Variants in SH2D2A observed in about 807,000 individuals in gnomAD.
The protein encoded by SH2D2A is SH2 domain-containing protein 2A.
A neutral mutation model predicts 43.6 loss-of-function variants in SH2D2A; 33 were observed. The ratio of observed to expected loss-of-function variants is 0.76; its 90% confidence interval spans 0.57 to 1.01. The LOEUF is 1.01. Ranked by LOEUF, SH2D2A falls within the 50% of genes least tolerant of loss-of-function variation. SH2D2A has a pLI of 0.00. For synonymous variants in SH2D2A, 212 were observed against 206.1 expected, an observed-to-expected ratio of 1.03 and a Z score of -0.25; for missense variants, 491 against 503.1, an observed-to-expected ratio of 0.98 and a Z score of 0.23.
rs759722611 is a variant in SH2D2A at position 156,815,077 on chromosome 1, C to T, written c.268G>A (p.Gly90Arg). Reference protein sequence around the residue: ...KTQAHWLLQHGAAPAWFHGFI... With the variant: ...KTQAHWLLQHRAAPAWFHGFI... ...CCATGGAACCAGGCAGGGGCTGCCC[C>T]GTGCTGCAGGAGCCAGTGGGCCTGG... is the stretch of plus-strand genomic sequence containing the variant. The change falls in exon 3 of 9, where the codon GGG (glycine) becomes AGG (arginine). Residue 90 changes from glycine (G) to arginine (R), a missense_variant. Physicochemically the swap from Gly to Arg is moderately radical, Grantham distance 125 (BLOSUM62 -2). Transcript: ENST00000368199. 33 of 1,601,672 alleles carry T rather than the reference C, an allele frequency of 2.1e-5. No individual in the cohort carries two copies. The highest frequency in any genetic ancestry group is 2.7e-5 in the African/African-American group (2 of 74,196).
chr1:156,809,472 G>C lies in SH2D2A; in HGVS notation c.733C>G (p.Pro245Ala). 1 of 1,606,212 alleles carries C rather than the reference G, an allele frequency of 6.2e-7. No individual in the cohort carries two copies. The highest frequency in any genetic ancestry group is 8.5e-7 in the Non-Finnish European group (1 of 1,176,584). ...GGTTTGGCGGGGATGGGAGGCTTGGGCCTGAGCAGCTGGGAGGGCTGGGAG... is the reference window on the plus strand; with the variant it reads ...GGTTTGGCGGGGATGGGAGGCTTGGCCCTGAGCAGCTGGGAGGGCTGGGAG... ...GEKEPSQLLR[P>A]KPPIPAKPQL... Residue 245 changes from proline (P) to alanine (A), a missense_variant, in exon 7 of 9, where the codon CCC becomes GCC. By Grantham distance (27) the Pro-to-Ala change is conservative. Transcript: ENST00000368199. The surrounding 1 kb of genome is among the most constrained non-coding windows in gnomAD (Gnocchi z 4.8).
rs748904499 is a variant in SH2D2A at position 156,814,332 on chromosome 1, G to T, written c.309-38C>A. The stretch of plus-strand genomic sequence containing the variant: ...GAGAGAGGGGGCCGAACCCTGCTCT[G>T]ACACTTCCAGCCTCGCCTCTGTCTC... On this transcript the variant is annotated intron_variant, in intron 3 of 8. Transcript: ENST00000368199. 58 of 1,598,418 alleles carry T rather than the reference G, an allele frequency of 3.6e-5. 1 individual carries two copies. The Middle Eastern group carries it at 1.5e-3, about 41-fold the overall frequency.
At chr1:156,816,645 C>G in intron 1 of SH2D2A, 30 bp downstream of exon 1, 1 of 1,595,894 alleles carries the variant, frequency 6.3e-7, no homozygotes, top group South Asian at 1.1e-5. Context: ...TGTGCCCCCT[C>G]CCACCCATAT....
At position 156,816,679 on chromosome 1, in the gene SH2D2A, G is replaced by C. The variant is rs1285217245; in HGVS notation, c.30C>G (p.Pro10=). 1 of 1,602,054 alleles carries C rather than the reference G, an allele frequency of 6.2e-7. No homozygotes were observed. Among genetic ancestry groups the C allele is most frequent in the Middle Eastern group, 1.7e-4 (1 of 6,018 alleles). MEFPLAQIC[P]QGSHEAPIPT... ...ATCCTTCAACTTCACACTTACCTTG[G>C]GGACATATCTGGGCCAGGGGGAACT... The change falls in exon 1 of 9, where the codon CCC becomes CCG. Residue 10 remains proline, a synonymous_variant. Coordinates refer to ENST00000368199, the MANE Select transcript of SH2D2A (RefSeq NM_003975.4).
In SH2D2A at chr1:156,814,467, C is replaced by T. The variant is rs1000662116; in HGVS notation, c.309-173G>A. The T allele has an allele frequency of 4.7e-6, 6 of 1,269,698 alleles. No homozygotes were observed. In the African/African-American group the frequency reaches 9.0e-5, roughly 19 times the overall value. 78.7% of individuals were successfully genotyped at this position (1,269,698 alleles called of 1,614,324 possible). A position where few individuals can be genotyped will look rare whatever the true frequency, so the allele number is the denominator to read the frequency against. On this transcript the variant is annotated intron_variant, in intron 3 of 8. Coordinates refer to ENST00000368199, the MANE Select transcript of SH2D2A (RefSeq NM_003975.4). ...GCACGTGGGCGCTGCTCTCCCGCTG[C>T]AGGGATTAGGCGTGGACAGGGGCCA...
In SH2D2A at chr1:156,809,905, G is replaced by C; in HGVS notation, c.568-98C>G. ...TAATCCAGTCTAAGTGGAGGATGGG[G>C]GAAGGGGGAGGAGCACAGAAATTTG... On this transcript the variant is annotated intron_variant, in intron 5 of 8. Transcript: ENST00000368199. This position sits in a 1 kb window ranked among gnomAD's most constrained non-coding sequence, Gnocchi z 4.8. 1.5e-6 allele frequency: 2 copies of C among 1,363,902 alleles called. No individual in the cohort carries two copies. Among genetic ancestry groups the C allele is most frequent in the Non-Finnish European group, 2.0e-6 (2 of 979,682 alleles). 84.5% of individuals were successfully genotyped at this position (1,363,902 alleles called of 1,614,324 possible).
rs147346422 is a variant in SH2D2A at position 156,806,295 on chromosome 1, C to T, written c.*282G>A. 1 of 152,232 alleles carries T rather than the reference C, an allele frequency of 6.6e-6. No homozygotes were observed. Among genetic ancestry groups the T allele is most frequent in the Non-Finnish European group, 1.5e-5 (1 of 68,058 alleles). The allele number at this position is 152,232 out of a possible 1,614,324, so 9.4% of individuals were successfully genotyped here. ...GATTTATTAGCCAGACAAGAATCAA[C>T]AAACAAGTTCTAACATCTGTTCTCA... On this transcript the variant is annotated 3_prime_UTR_variant, in exon 9 of 9. Transcript: ENST00000368199.
In SH2D2A at chr1:156,813,848, C is replaced by A. The variant is rs1160374832; in HGVS notation, c.567G>T (p.Gln189His). 2 of 1,479,682 alleles carry A rather than the reference C, an allele frequency of 1.4e-6. No individual in the cohort carries two copies. Among genetic ancestry groups the A allele is most frequent in the South Asian group, 1.3e-5 (1 of 74,800 alleles). 91.7% of individuals were successfully genotyped at this position (1,479,682 alleles called of 1,614,324 possible). A position where few individuals can be genotyped will look rare whatever the true frequency, so the allele number is the denominator to read the frequency against. The part of the protein sequence containing the change: ...GETLTEPLAR[Q>H]TPEPAGLSLR... ...TCTGGTCAGGGTCTGGGGCGCGTAC[C>A]TGTCGGGCGAGGGGCTCGGTGAGCG... is the stretch of plus-strand genomic sequence containing the variant. The change falls in exon 5 of 9, where the codon CAG (glutamine) becomes CAT (histidine). Residue 189 changes from glutamine to histidine, a missense_variant and splice_region_variant. Coordinates refer to ENST00000368199, the MANE Select transcript of SH2D2A (RefSeq NM_003975.4).
chr1:156,808,496 C>T (rs569174427), intron 7 of SH2D2A, among the ~76,000 whole-genome samples: 1 of 152,168 alleles, frequency 6.6e-6, no homozygotes, highest in African/African-American at 2.4e-5. Flanking sequence ...CGCGAGCAGG[C>T]TCAGGCTGAG....
chr1:156,815,031 ACT>A lies in SH2D2A; in HGVS notation c.308+4_308+5del, dbSNP rs765234653. 5 of 1,511,312 alleles carry A rather than the reference ACT, an allele frequency of 3.3e-6. No homozygotes were observed. The highest frequency in any genetic ancestry group is 4.4e-6 in the Non-Finnish European group (5 of 1,124,358). The allele number at this position is 1,511,312 out of a possible 1,614,324, so 93.6% of individuals were successfully genotyped here. On this transcript the variant is annotated splice_donor_5th_base_variant and intron_variant, in intron 3 of 8. Transcript: ENST00000368199. ...GTCTGGGCCAATTTCCTCCTCCATG[ACT>A]CACCTCCGGGTGATGAAGCCATGGA...
chr1:156,809,840 G>A lies in SH2D2A; in HGVS notation c.568-33C>T. On this transcript the variant is annotated intron_variant, in intron 5 of 8. Transcript: ENST00000368199. The surrounding 1 kb of genome is among the most constrained non-coding windows in gnomAD (Gnocchi z 4.8). Reference sequence around the variant, plus strand: ...GAAAGAAGGAGGTCTGAGGCACTCGGTGGAGCGTTGGGGTGGGGGAGGTGA... The same window carrying A: ...GAAAGAAGGAGGTCTGAGGCACTCGATGGAGCGTTGGGGTGGGGGAGGTGA... 6.2e-7 allele frequency: 1 copy of A among 1,611,798 alleles called. No homozygotes were observed. The highest frequency in any genetic ancestry group is 1.1e-5 in the South Asian group (1 of 90,878).
intron 3 of SH2D2A, 76 bp from the exon 4 acceptor site, chr1:156,814,370 G>A: frequency 6.4e-7 from 1 of 1,556,490 alleles, no homozygotes; most frequent in Non-Finnish European, 8.7e-7. Flanking sequence ...CGGCTCTCAC[G>A]AGGAACCCCT....
chr1:156,814,340 C>T (rs1436337983), intron 3 of SH2D2A, 46 bp from the exon 4 acceptor site: 11 of 1,591,902 alleles, frequency 6.9e-6, no homozygotes, highest in Non-Finnish European at 9.4e-6. Context: ...CTGACACTTC[C>T]AGCCTCGCCT....
At chr1:156,814,153 G>A (rs1653650277) in intron 4 of SH2D2A, 52 bp downstream of exon 4, 1 of 1,606,888 alleles carries the variant, frequency 6.2e-7, no homozygotes, top group Non-Finnish European at 8.5e-7. Context: ...CCCAAGCCCC[G>A]CCCCTCCCGA....
Position 156,809,390 on chromosome 1 carries a change from C to A in SH2D2A, c.815G>T (p.Arg272Leu), listed in dbSNP as rs199978802. The A allele has an allele frequency of 6.2e-7, 1 of 1,613,760 alleles. No homozygotes were observed. Among genetic ancestry groups the A allele is most frequent in the Non-Finnish European group, 8.5e-7 (1 of 1,179,992 alleles). ...GTAGATAGGATTGGAGGGCTTGGGG[C>A]GTGGGGCCGGGCGGTGTCGTGGAAC... ...IPVPRHRPAP[R>L]PKPSNPIYNE... Residue 272 changes from arginine to leucine, a missense_variant, in exon 7 of 9, where the codon CGC (arginine) becomes CTC (leucine). Coordinates refer to ENST00000368199, the MANE Select transcript of SH2D2A (RefSeq NM_003975.4). The surrounding 1 kb of genome is among the most constrained non-coding windows in gnomAD (Gnocchi z 4.8).
chr1:156,814,333 A>T lies in SH2D2A; in HGVS notation c.309-39T>A, dbSNP rs756862374. ...AGAGAGGGGGCCGAACCCTGCTCTGACACTTCCAGCCTCGCCTCTGTCTCC... is the reference window on the plus strand; with the variant it reads ...AGAGAGGGGGCCGAACCCTGCTCTGTCACTTCCAGCCTCGCCTCTGTCTCC... On this transcript the variant is annotated intron_variant, in intron 3 of 8. Transcript: ENST00000368199. 3.6e-5 allele frequency: 57 copies of T among 1,598,364 alleles called. 1 individual carries two copies. The Middle Eastern group carries it at 1.3e-3, about 37-fold the overall frequency.
In SH2D2A at chr1:156,807,788, C is replaced by G. The variant is rs1302883948; in HGVS notation, c.1003-443G>C. 6.6e-6 allele frequency among the ~76,000 whole-genome samples: 1 copy of G among 152,092 alleles called. No homozygotes were observed. Among genetic ancestry groups the G allele is most frequent in the African/African-American group, 2.4e-5 (1 of 41,422 alleles). On this transcript the variant is annotated intron_variant, in intron 7 of 8. Coordinates refer to ENST00000368199, the MANE Select transcript of SH2D2A (RefSeq NM_003975.4). This position sits in a 1 kb window ranked among gnomAD's most constrained non-coding sequence, Gnocchi z 5.1. ...GGCAGAGATACTGGCGGGTGCAAAC[C>G]CCAGGAGGCTTGAAACCACTTGGTG...
At chr1:156,811,059 A>T (rs1474891507) in intron 5 of SH2D2A, among the ~76,000 whole-genome samples, 1 of 152,052 alleles carries the variant, frequency 6.6e-6, no homozygotes, top group African/African-American at 2.4e-5. Flanking sequence ...GAAATCAAAG[A>T]ATTCTTTTTC....
intron 4 of SH2D2A, 37 bp downstream of exon 4, chr1:156,814,168 C>A: frequency 6.2e-7 from 1 of 1,611,670 alleles, no homozygotes. Flanking sequence ...TCCCGAGCCC[C>A]GCCTTGTGTC....
Sources: gnomAD v4.1 joint callset for allele counts (sites outside exome capture counted in the v4.1 genomes callset) on GRCh38, gnomAD v4.1.1 for gene constraint, Gnocchi (gnomAD v3.1) non-coding constraint, MANE v1.5 for transcripts, NCBI Gene and HGNC (gene_info 2026-07-23, HGNC 2026-07-21) for gene names.